Variants in MKLN1 observed in about 807,000 individuals in gnomAD.
The protein encoded by MKLN1 is muskelin 1, also known as muskelin.
MKLN1 carries 18 observed loss-of-function variants against 99.0 expected under a neutral mutation model. The ratio of observed to expected loss-of-function variants is 0.18; its 90% CI spans 0.13 to 0.27. The LOEUF (loss-of-function observed/expected upper bound fraction) is 0.27, where lower values mean the gene tolerates loss of function less well. MKLN1 is among the 10% of genes least tolerant of loss of function. The pLI, the probability that MKLN1 is intolerant of heterozygous loss-of-function variation, is 1.00. For missense variants in MKLN1, 621 were observed against 875.9 expected, an observed-to-expected ratio of 0.71 and a Z score of 3.67; for synonymous variants, 288 against 293.2, an observed-to-expected ratio of 0.98 and a Z score of 0.18.
At chr7:131,475,849 G>A (rs911549794) in intron 16 of MKLN1, among the ~76,000 whole-genome samples, 2 of 152,008 alleles carry the variant, frequency 1.3e-5, no homozygotes, top group African/African-American at 4.8e-5. Context: ...CAAGAGAGAC[G>A]TTACAAGCAA....
intron 16 of MKLN1, chr7:131,478,410 T>C (rs1797023795): frequency 2.3e-6 from 1 of 426,082 alleles, no homozygotes; most frequent in Non-Finnish European, 4.0e-6. Flanking sequence ...GCCCAGTATT[T>C]TAGAAAATGA....
exon 3 of MKLN1, chr7:131,202,960 C>G (rs536711004): frequency 6.6e-6 from 1 of 152,318 alleles, no homozygotes; most frequent in African/African-American, 2.4e-5. Context: ...TTGGTAAACC[C>G]ACAGGATGAA....
chr7:131,123,532 T>G (rs1324570680), intron 1 of MKLN1, among the ~76,000 whole-genome samples: 1 of 152,182 alleles, frequency 6.6e-6, no homozygotes, highest in Non-Finnish European at 1.5e-5. Context: ...CAAATAAAAA[T>G]AGCTGGGTGT....
intron 3 of MKLN1, among the ~76,000 whole-genome samples, chr7:131,267,121 T>C (rs2116549149): frequency 6.6e-6 from 1 of 152,004 alleles, no homozygotes; most frequent in East Asian, 2.0e-4. Context: ...TCACTTGAGG[T>C]CAGGAGTTTG....
chr7:131,231,060 C>T (rs1256737134), intron 3 of MKLN1, among the ~76,000 whole-genome samples: 4 of 125,414 alleles, frequency 3.2e-5, no homozygotes, highest in African/African-American at 1.2e-4. Context: ...GCCGAGGTTG[C>T]AGTGAGCGGA....
At chr7:131,412,659 A>G (rs528529303) in intron 7 of MKLN1, among the ~76,000 whole-genome samples, 1 of 152,300 alleles carries the variant, frequency 6.6e-6, no homozygotes, top group South Asian at 2.1e-4. Flanking sequence ...CCTTATTTTC[A>G]TATAAGGGGG....
intron 2 of MKLN1, among the ~76,000 whole-genome samples, chr7:131,159,461 C>T (rs1214533389): frequency 6.6e-6 from 1 of 152,002 alleles, no homozygotes; most frequent in Non-Finnish European, 1.5e-5. Context: ...TGAAATAAGC[C>T]AGGCACAGTG....
At chr7:131,111,362 C>T (rs1236058912) in intron 1 of MKLN1, among the ~76,000 whole-genome samples, 2 of 152,176 alleles carry the variant, frequency 1.3e-5, no homozygotes, top group African/African-American at 4.8e-5. Flanking sequence ...TTATCGATTG[C>T]CTCACACCCA....
intron 3 of MKLN1, among the ~76,000 whole-genome samples, chr7:131,246,260 C>G (rs186606629): frequency 6.6e-6 from 1 of 152,310 alleles, no homozygotes; most frequent in Admixed American, 6.5e-5. Context: ...CTGATGTTTG[C>G]TTGTGAGGCC....
chr7:131,313,501 T>C (rs396634), intron 3 of MKLN1, among the ~76,000 whole-genome samples: 2 of 152,236 alleles, frequency 1.3e-5, no homozygotes, highest in Non-Finnish European at 2.9e-5. Context: ...ACTGTACCTT[T>C]GTAAATGGAA....
intron 12 of MKLN1, among the ~76,000 whole-genome samples, chr7:131,451,821 C>T (rs1796187515): frequency 6.6e-6 from 1 of 152,156 alleles, no homozygotes; most frequent in Non-Finnish European, 1.5e-5. Context: ...GTATTTAACA[C>T]TAATTGAAAC....
intron 3 of MKLN1, among the ~76,000 whole-genome samples, chr7:131,293,243 T>A (rs1226578477): frequency 6.6e-6 from 1 of 152,130 alleles, no homozygotes; most frequent in Non-Finnish European, 1.5e-5. Flanking sequence ...ACTGACCAGC[T>A]CCTAGTCAAC....
chr7:131,478,504 A>G (rs1797026107), intron 16 of MKLN1, 119 bp from the exon 17 acceptor site: 1 of 994,902 alleles, frequency 1.0e-6, no homozygotes, highest in Non-Finnish European at 1.4e-6. Flanking sequence ...CCTATGTCAC[A>G]CATATGCAGA....
chr7:131,492,414 TTA>T lies in MKLN1; in HGVS notation c.*4692_*4693del, dbSNP rs1323505195. The stretch of plus-strand genomic sequence containing the variant: ...TTCCTTAAATAAAAATAATGCAGCC[TTA>T]TATATGTCTCTTCCCCTCAAGAATG... On this transcript the variant is annotated 3_prime_UTR_variant, in exon 18 of 18. Transcript: ENST00000352689. The T allele has an allele frequency of 2.0e-5, 3 of 152,008 alleles. No individual in the cohort carries two copies. Among genetic ancestry groups the T allele is most frequent in the Non-Finnish European group, 2.9e-5 (2 of 67,990 alleles). The allele number at this position is 152,008 out of a possible 1,614,324, so 9.4% of individuals were successfully genotyped here.
At chr7:131,357,371 C>T (rs925216556) in intron 1 of MKLN1, among the ~76,000 whole-genome samples, 10 of 152,132 alleles carry the variant, frequency 6.6e-5, no homozygotes, top group Non-Finnish European at 1.3e-4. Flanking sequence ...GATCACCTCC[C>T]TGAGGTGGTG....
At chr7:131,238,152 A>C (rs1490819665) in intron 3 of MKLN1, among the ~76,000 whole-genome samples, 1 of 152,266 alleles carries the variant, frequency 6.6e-6, no homozygotes, top group East Asian at 1.9e-4. Context: ...GTCTCAAAAA[A>C]AACAAGCAAA....
chr7:131,218,669 G>T (rs886728805), intron 3 of MKLN1, among the ~76,000 whole-genome samples: 1 of 152,148 alleles, frequency 6.6e-6, no homozygotes, highest in Non-Finnish European at 1.5e-5. Context: ...GTCTTAAAAA[G>T]AAAGGAAATT....
In MKLN1 at chr7:131,487,763, G is replaced by A; in HGVS notation, c.*35G>A. The stretch of plus-strand genomic sequence containing the variant: ...CACTGGACACAGAAATGGAAAACAG[G>A]AGTCGATTTTCCGTCTTTTGGATTG... On this transcript the variant is annotated 3_prime_UTR_variant, in exon 18 of 18. Coordinates refer to ENST00000352689, the MANE Select transcript of MKLN1 (RefSeq NM_013255.5). The surrounding 1 kb of genome is among the most constrained non-coding windows in gnomAD (Gnocchi z 4.7). The A allele has an allele frequency of 6.2e-7, 1 of 1,603,030 alleles. No individual in the cohort carries two copies. The highest frequency in any genetic ancestry group is 8.5e-7 in the Non-Finnish European group (1 of 1,175,694).
chr7:131,144,972 C>T (rs1726785994), intron 2 of MKLN1, among the ~76,000 whole-genome samples: 1 of 151,956 alleles, frequency 6.6e-6, no homozygotes, highest in African/African-American at 2.4e-5. Flanking sequence ...ATTGAAACTC[C>T]ATCCCCCAAC....
Sources: allele counts gnomAD v4.1 joint callset (sites outside exome capture counted in the v4.1 genomes callset), GRCh38; gene constraint gnomAD v4.1.1; non-coding constraint Gnocchi (gnomAD v3.1); transcripts MANE v1.5; gene names NCBI Gene and HGNC (gene_info 2026-07-23, HGNC 2026-07-21).